GTF2H1: variants seen among roughly 807,000 people sequenced by gnomAD.
The protein encoded by GTF2H1 is general transcription factor IIH subunit 1.
Under a neutral mutation model 71.2 loss-of-function variants are expected in GTF2H1, and 16 were observed. The ratio of observed to expected loss-of-function variants is 0.22; its 90% CI spans 0.15 to 0.34. The LOEUF is 0.34. Ranked by LOEUF, GTF2H1 falls within the 10% of genes least tolerant of loss-of-function variation. The pLI, the probability that GTF2H1 is intolerant of heterozygous loss-of-function variation, is 1.00. For synonymous variants in GTF2H1, 215 were observed against 219.0 expected (o/e 0.98, Z 0.16); for missense variants, 498 against 648.2 (o/e 0.77, Z 2.52).
chr11:18,327,807 G>A (rs953382151), intron 1 of GTF2H1, among the ~76,000 whole-genome samples: 3 of 152,118 alleles, frequency 2.0e-5, no homozygotes, highest in Admixed American at 6.5e-5. Flanking sequence ...CGGGCTGGTC[G>A]CAAACTCCTG....
chr11:18,332,437 T>A (rs1345812097), intron 1 of GTF2H1, among the ~76,000 whole-genome samples: 1 of 152,228 alleles, frequency 6.6e-6, no homozygotes, highest in Non-Finnish European at 1.5e-5. Flanking sequence ...GGGACCAGAC[T>A]CTTTCTTAGG....
intron 11 of GTF2H1, among the ~76,000 whole-genome samples, chr11:18,355,050 TC>T (rs1170637777): frequency 3.3e-5 from 5 of 152,052 alleles, no homozygotes; most frequent in Admixed American, 2.0e-4. Flanking sequence ...GCTCAAGCAA[TC>T]CACTCGCCTC....
Position 18,347,662 on chromosome 11 carries a change from C to G in GTF2H1, c.912C>G (p.Ile304Met), listed in dbSNP as rs746929139. 1.2e-6 allele frequency: 2 copies of G among 1,612,800 alleles called. No homozygotes were observed. Among genetic ancestry groups the G allele is most frequent in the Admixed American group, 3.3e-5 (2 of 60,010 alleles). The change falls in exon 8 of 15, where the codon ATC (isoleucine) becomes ATG (methionine). Residue 304 changes from isoleucine (I) to methionine (M), a missense_variant. Ile to Met is a conservative substitution (Grantham distance 10, BLOSUM62 1). Coordinates refer to ENST00000265963, the MANE Select transcript of GTF2H1 (RefSeq NM_005316.4). ...AAGAGAATAGTAATGCTGCCATCAT[C>G]AAGAGATTTAACCATCACAGTGCCA... ...SIKENSNAAI[I>M]KRFNHHSAMV... is the part of the protein sequence containing the mutation.
chr11:18,362,458 A>G (rs918128833), intron 14 of GTF2H1, among the ~76,000 whole-genome samples: 29 of 152,150 alleles, frequency 1.9e-4, no homozygotes, highest in African/African-American at 6.5e-4. Flanking sequence ...TCAATAATAA[A>G]TTAGCCTTAG....
intron 1 of GTF2H1, among the ~76,000 whole-genome samples, chr11:18,330,534 C>T (rs949758452): frequency 1.3e-5 from 2 of 152,112 alleles, no homozygotes; most frequent in African/African-American, 2.4e-5. Context: ...TTTTTCTATC[C>T]GCTGAGGTTC....
intron 14 of GTF2H1, among the ~76,000 whole-genome samples, chr11:18,361,498 G>A (rs1381037320): frequency 6.6e-6 from 1 of 152,108 alleles, no homozygotes; most frequent in Non-Finnish European, 1.5e-5. Flanking sequence ...GCGAAACCCT[G>A]TCTCTACTAA....
At chr11:18,345,441 GTCATGTAGTAATAA>G (rs1158751184) in intron 7 of GTF2H1, among the ~76,000 whole-genome samples, 1 of 151,214 alleles carries the variant, frequency 6.6e-6, no homozygotes, top group Admixed American at 6.6e-5. Context: ...CCTAGCGCAT[GTCATGTAGTAATAA>G]TCACTTAGTA....
intron 14 of GTF2H1, among the ~76,000 whole-genome samples, chr11:18,361,980 A>T (rs1206820104): frequency 6.6e-6 from 1 of 152,200 alleles, no homozygotes; most frequent in Non-Finnish European, 1.5e-5. Context: ...GCCCTCCCAG[A>T]GGTACCTTGG....
intron 14 of GTF2H1, among the ~76,000 whole-genome samples, chr11:18,362,557 G>A (rs1016516892): frequency 6.6e-6 from 1 of 151,386 alleles, no homozygotes; most frequent in Non-Finnish European, 1.5e-5. Flanking sequence ...AACACCCATT[G>A]TATAGCTGTA....
intron 4 of GTF2H1, among the ~76,000 whole-genome samples, chr11:18,338,581 C>A (rs1035161402): frequency 6.6e-6 from 1 of 152,086 alleles, no homozygotes; most frequent in Admixed American, 6.6e-5. Flanking sequence ...GTAGCTGGGA[C>A]TAGAGGTGTG....
At chr11:18,336,180 G>A (rs867294707) in intron 3 of GTF2H1, among the ~76,000 whole-genome samples, 1 of 151,994 alleles carries the variant, frequency 6.6e-6, no homozygotes, top group East Asian at 1.9e-4. Flanking sequence ...AGGCTGGAGT[G>A]CAGTGGCACA....
chr11:18,333,176 A>G lies in GTF2H1; in HGVS notation c.102A>G (p.Ala34=), dbSNP rs764780046. The change falls in exon 2 of 15, where the codon GCA becomes GCG. Residue 34 remains alanine (A), a synonymous_variant. Transcript: ENST00000265963. The stretch of plus-strand genomic sequence containing the variant: ...TCATGGCAGAAAGAATTGCTTGGGC[A>G]CCTGAAGGCAAAGATAGATTTACAA... The part of the protein sequence containing the change: ...LYLMAERIAW[A]PEGKDRFTIS... 18 of 1,613,604 alleles carry G rather than the reference A, an allele frequency of 1.1e-5. No homozygotes were observed. In the East Asian group the frequency reaches 3.3e-4, roughly 30 times the overall value.
At chr11:18,362,998 T>C (rs575115764) in intron 14 of GTF2H1, among the ~76,000 whole-genome samples, 1 of 152,160 alleles carries the variant, frequency 6.6e-6, no homozygotes, top group East Asian at 1.9e-4. Flanking sequence ...TTTTTTTTTC[T>C]TTTTAAACTT....
chr11:18,333,307 T>G, intron 2 of GTF2H1, 79 bp downstream of exon 2: 1 of 1,022,246 alleles, frequency 9.8e-7, no homozygotes, highest in South Asian at 1.8e-5. Flanking sequence ...ATATAAATCT[T>G]TATTTTATAT....
intron 1 of GTF2H1, 58 bp from the exon 2 acceptor site, chr11:18,333,002 T>A: frequency 8.0e-7 from 1 of 1,245,444 alleles, no homozygotes; most frequent in Non-Finnish European, 1.1e-6. Context: ...AGTCAACAAA[T>A]TCAACCCTAA....
chr11:18,325,386 A>G (rs1419437398), intron 1 of GTF2H1, among the ~76,000 whole-genome samples: 2 of 152,260 alleles, frequency 1.3e-5, no homozygotes, highest in Non-Finnish European at 2.9e-5. Flanking sequence ...AAAGATGTAT[A>G]TGCAAAGATT....
chr11:18,340,264 G>A (rs1040003559), intron 5 of GTF2H1, among the ~76,000 whole-genome samples: 1 of 151,780 alleles, frequency 6.6e-6, no homozygotes, highest in Non-Finnish European at 1.5e-5. Flanking sequence ...AGACTAGCCT[G>A]GGCAACAAAA....
At chr11:18,352,859 C>A (rs774510677) in intron 11 of GTF2H1, among the ~76,000 whole-genome samples, 2 of 152,242 alleles carry the variant, frequency 1.3e-5, no homozygotes, top group Non-Finnish European at 1.5e-5. Flanking sequence ...AATAATACTT[C>A]TTGATTCTAT....
At chr11:18,338,574 G>C (rs1043687623) in intron 4 of GTF2H1, among the ~76,000 whole-genome samples, 3 of 152,052 alleles carry the variant, frequency 2.0e-5, no homozygotes, top group Non-Finnish European at 2.9e-5. Flanking sequence ...CTCTCAAGTA[G>C]CTGGGACTAG....
Sources: gnomAD v4.1 joint callset for allele counts (sites outside exome capture counted in the v4.1 genomes callset) on GRCh38, gnomAD v4.1.1 for gene constraint, MANE v1.5 for transcripts, NCBI Gene and HGNC (gene_info 2026-07-23, HGNC 2026-07-21) for gene names.